SLC22A23: variants seen among roughly 807,000 people sequenced by gnomAD.
SLC22A23 encodes ion transporter protein.
A neutral mutation model predicts 61.0 loss-of-function variants in SLC22A23; 26 were observed. The ratio of observed to expected loss-of-function variants is 0.43; its 90% CI spans 0.31 to 0.59. SLC22A23 has a LOEUF of 0.59. Ranked by LOEUF, SLC22A23 falls within the 20% of genes least tolerant of loss-of-function variation. The pLI is 0.11. For synonymous variants in SLC22A23, 430 were observed against 413.9 expected (o/e 1.04, Z -0.47); for missense variants, 796 against 934.7 (o/e 0.85, Z 1.94).
At chr6:3,338,472 G>A (rs796464681) in intron 3 of SLC22A23, among the ~76,000 whole-genome samples, 14 of 152,334 alleles carry the variant, frequency 9.2e-5, no homozygotes, top group African/African-American at 3.4e-4. Context: ...GACTACAGGC[G>A]CATGCCGCCA....
intron 1 of SLC22A23, among the ~76,000 whole-genome samples, chr6:3,447,307 T>C (rs916342889): frequency 6.6e-6 from 1 of 152,218 alleles, no homozygotes; most frequent in African/African-American, 2.4e-5. Context: ...TCATCTCAGA[T>C]GTCACTTTCT....
intron 3 of SLC22A23, among the ~76,000 whole-genome samples, chr6:3,363,427 G>A (rs2127452764): frequency 6.6e-6 from 1 of 152,356 alleles, no homozygotes; most frequent in East Asian, 1.9e-4. Context: ...GACACCCCAG[G>A]ACACAGGCTG....
At chr6:3,357,929 C>T (rs1461633244) in intron 3 of SLC22A23, among the ~76,000 whole-genome samples, 1 of 152,112 alleles carries the variant, frequency 6.6e-6, no homozygotes, top group Non-Finnish European at 1.5e-5. Flanking sequence ...TGAATCTTCC[C>T]TTAAGGGAAA....
At chr6:3,380,170 G>A (rs1581786075) in intron 3 of SLC22A23, among the ~76,000 whole-genome samples, 1 of 152,156 alleles carries the variant, frequency 6.6e-6, no homozygotes, top group Non-Finnish European at 1.5e-5. Flanking sequence ...GACTCCATAG[G>A]GGTGAGTGGC....
chr6:3,363,717 T>C (rs1011853806), intron 3 of SLC22A23, among the ~76,000 whole-genome samples: 1 of 152,248 alleles, frequency 6.6e-6, no homozygotes, highest in Non-Finnish European at 1.5e-5. Context: ...CTTCAACCGC[T>C]GCCACGTTCT....
chr6:3,440,060 G>T (rs1240541417), intron 1 of SLC22A23, among the ~76,000 whole-genome samples: 4 of 152,128 alleles, frequency 2.6e-5, no homozygotes, highest in Non-Finnish European at 5.9e-5. Context: ...GTGATAAAGA[G>T]CCACTCAGCT....
intron 3 of SLC22A23, among the ~76,000 whole-genome samples, chr6:3,403,776 C>A: frequency 6.6e-6 from 1 of 152,312 alleles, no homozygotes; most frequent in South Asian, 2.1e-4. Context: ...CTGGAAGTTA[C>A]GTTGAAGCTC....
chr6:3,445,136 GGA>G (rs1161746746), intron 1 of SLC22A23: 1 of 251,404 alleles, frequency 4.0e-6, no homozygotes, highest in African/African-American at 2.3e-5. Context: ...TAATGCTCTG[GGA>G]GAGAGACCCA....
chr6:3,362,294 C>T lies in SLC22A23; in HGVS notation c.914-38292G>A, dbSNP rs951391648. On this transcript the variant is annotated intron_variant, in intron 3 of 9. Transcript: ENST00000406686. ...TAGCATGCGCCTGTAGTCCCAGCTA[C>T]TCGGGAGCTGAGGCTGGAGAATCGC... is the stretch of plus-strand genomic sequence containing the variant. 4.0e-5 allele frequency among the ~76,000 whole-genome samples: 6 copies of T among 151,268 alleles called. 1 individual carries two copies. Among genetic ancestry groups the T allele is most frequent in the East Asian group, 1.9e-4 (1 of 5,132 alleles).
intron 6 of SLC22A23, among the ~76,000 whole-genome samples, chr6:3,287,443 G>A (rs1760126877): frequency 6.6e-6 from 1 of 152,048 alleles, no homozygotes; most frequent in South Asian, 2.1e-4. Flanking sequence ...ATTTAACCCA[G>A]GGCCGCAATC....
In SLC22A23 at chr6:3,273,088, C is replaced by G; in HGVS notation, c.2028G>C (p.Glu676Asp). The change falls in exon 10 of 10, where the codon GAG (glutamate) becomes GAC (aspartate). Residue 676 changes from glutamate to aspartate, a missense_variant. Physicochemically the swap from Glu to Asp is conservative, Grantham distance 45. Coordinates refer to ENST00000406686, the MANE Select transcript of SLC22A23 (RefSeq NM_015482.2). ...DAAAAGDTLPEGATANGMKAM is the reference protein window; with the variant it reads ...DAAAAGDTLPDGATANGMKAM ...CCTTCATGCCGTTGGCCGTGGCACC[C>G]TCGGGCAGTGTGTCACCCGCGGCTG... is the stretch of plus-strand genomic sequence containing the variant. 6.3e-7 allele frequency: 1 copy of G among 1,588,086 alleles called. No homozygotes were observed. The highest frequency in any genetic ancestry group is 8.6e-7 in the Non-Finnish European group (1 of 1,168,918).
intron 3 of SLC22A23, among the ~76,000 whole-genome samples, chr6:3,355,583 G>A (rs893405393): frequency 1.3e-5 from 2 of 152,130 alleles, no homozygotes; most frequent in Non-Finnish European, 2.9e-5. Context: ...CAAGGTTACC[G>A]TTCTCATGAG....
At chr6:3,409,299 C>T (rs981819506) in intron 3 of SLC22A23, among the ~76,000 whole-genome samples, 4 of 152,190 alleles carry the variant, frequency 2.6e-5, no homozygotes, top group African/African-American at 9.7e-5. Flanking sequence ...GACAATAAAA[C>T]TATGTCCTGA....
chr6:3,397,541 T>C (rs1768092454), intron 3 of SLC22A23, among the ~76,000 whole-genome samples: 3 of 152,258 alleles, frequency 2.0e-5, no homozygotes, highest in Non-Finnish European at 4.4e-5. Flanking sequence ...GGAGCTACTT[T>C]ACATGGTTAC....
In SLC22A23 at chr6:3,272,452, C is replaced by G. The variant is rs898512816; in HGVS notation, c.*603G>C. 1.3e-5 allele frequency: 2 copies of G among 152,730 alleles called. No homozygotes were observed. Among genetic ancestry groups the G allele is most frequent in the Non-Finnish European group, 2.9e-5 (2 of 68,040 alleles). 9.5% of individuals were successfully genotyped at this position (152,730 alleles called of 1,614,324 possible). A position where few individuals can be genotyped will look rare whatever the true frequency, so the allele number is the denominator to read the frequency against. On this transcript the variant is annotated 3_prime_UTR_variant, in exon 10 of 10. Coordinates refer to ENST00000406686, the MANE Select transcript of SLC22A23 (RefSeq NM_015482.2). ...AAGATGAAGCTGGTTTTAACGGCGTCTGTGAGCTGCTTTCCCTGCACACGA... is the reference window on the plus strand; with the variant it reads ...AAGATGAAGCTGGTTTTAACGGCGTGTGTGAGCTGCTTTCCCTGCACACGA...
At chr6:3,365,810 A>C (rs1447375549) in intron 3 of SLC22A23, among the ~76,000 whole-genome samples, 1 of 152,202 alleles carries the variant, frequency 6.6e-6, no homozygotes, top group Non-Finnish European at 1.5e-5. Context: ...CTTAACCTTA[A>C]GTCTACTGGA....
At chr6:3,312,374 G>A (rs1197744747) in intron 4 of SLC22A23, 1 of 152,150 alleles carries the variant, frequency 6.6e-6, no homozygotes, top group African/African-American at 2.4e-5. Context: ...CAACGTGGTA[G>A]GGGGATTAAT....
chr6:3,299,169 G>A (rs561516629), intron 4 of SLC22A23, among the ~76,000 whole-genome samples: 1 of 152,306 alleles, frequency 6.6e-6, no homozygotes, highest in Non-Finnish European at 1.5e-5. Flanking sequence ...TAACAGAGTA[G>A]CGGATATGAA....
chr6:3,353,168 T>C (rs1322450810), intron 3 of SLC22A23, among the ~76,000 whole-genome samples: 1 of 152,196 alleles, frequency 6.6e-6, no homozygotes, highest in Non-Finnish European at 1.5e-5. Flanking sequence ...ACAGGAATAA[T>C]CTGTTATTCT....
Sources: allele counts gnomAD v4.1 joint callset (sites outside exome capture counted in the v4.1 genomes callset), GRCh38; gene constraint gnomAD v4.1.1; transcripts MANE v1.5; gene names NCBI Gene and HGNC (gene_info 2026-07-23, HGNC 2026-07-21).